SLC12A6: variants seen among roughly 807,000 people sequenced by gnomAD.
SLC12A6 encodes solute carrier family 12 member 6.
A neutral mutation model predicts 135.3 loss-of-function variants in SLC12A6; 66 were observed. The observed-to-expected ratio is 0.49, with a 90% CI of 0.40 to 0.60. The LOEUF (loss-of-function observed/expected upper bound fraction) is 0.60, where lower values mean the gene tolerates loss of function less well. SLC12A6 is among the 20% of genes least tolerant of loss of function. SLC12A6 has a pLI of 0.00. For synonymous variants in SLC12A6, 513 were observed against 508.8 expected (o/e 1.01, Z -0.11); for missense variants, 1,058 against 1,452.3 (o/e 0.73, Z 4.41).
intron 15 of SLC12A6, 70 bp from the exon 16 acceptor site, chr15:34,244,142 A>G: frequency 1.1e-6 from 1 of 911,210 alleles, no homozygotes; most frequent in Non-Finnish European, 1.9e-6. Context: ...GTAACTGAAT[A>G]CCTTTGCTGT....
At chr15:34,290,756 A>G (rs1477000561) in intron 2 of SLC12A6, among the ~76,000 whole-genome samples, 1 of 152,184 alleles carries the variant, frequency 6.6e-6, no homozygotes, top group Non-Finnish European at 1.5e-5. Flanking sequence ...TTGTTGGTTT[A>G]AAGTCTGTTT....
chr15:34,241,404 T>C lies in SLC12A6; in HGVS notation c.2163-67A>G. On this transcript the variant is annotated intron_variant, in intron 17 of 25. Coordinates refer to ENST00000354181, the MANE Select transcript of SLC12A6 (RefSeq NM_001365088.1). ...GTAAGTATAATTTTAAAAAATAAAG[T>C]TTTTTTCTGAATCTAAAAATCACAC... The C allele has an allele frequency of 3.5e-6, 3 of 853,186 alleles. No individual in the cohort carries two copies. In the South Asian group the frequency reaches 4.4e-5, roughly 13 times the overall value. The allele number at this position is 853,186 out of a possible 1,614,324, so 52.9% of individuals were successfully genotyped here. A position where few individuals can be genotyped will look rare whatever the true frequency, so the allele number is the denominator to read the frequency against.
In SLC12A6 at chr15:34,240,678, C is replaced by T. The variant is rs769873152; in HGVS notation, c.2419G>A (p.Ala807Thr). ...VGNFLENYGEALAAEQTIKHL... is the reference protein window; with the variant it reads ...VGNFLENYGETLAAEQTIKHL... ...ACTCTTACCTGCTCAGCAGCTAAAG[C>T]TTCACCGTAGTTCTCTAGGAAGTTC... is the stretch of plus-strand genomic sequence containing the variant. Residue 807 changes from alanine to threonine, a missense_variant, in exon 19 of 26, where the codon GCT becomes ACT. This residue lies in a region of SLC12A6 where 31 missense variants were observed against 24.3 expected (regional missense o/e 1.28). Coordinates refer to ENST00000354181, the MANE Select transcript of SLC12A6 (RefSeq NM_001365088.1). 3.1e-6 allele frequency: 5 copies of T among 1,613,886 alleles called. No individual in the cohort carries two copies. The Admixed American group carries it at 6.7e-5, about 22-fold the overall frequency.
intron 2 of SLC12A6, among the ~76,000 whole-genome samples, chr15:34,289,673 T>C (rs546540577): frequency 1.5e-3 from 230 of 152,338 alleles, no homozygotes; most frequent in African/African-American, 5.2e-3. Context: ...TATTGGTCTA[T>C]TCAGAGATTC....
At chr15:34,288,971 C>T (rs977053614) in intron 2 of SLC12A6, among the ~76,000 whole-genome samples, 1 of 152,054 alleles carries the variant, frequency 6.6e-6, no homozygotes, top group Non-Finnish European at 1.5e-5. Flanking sequence ...TTGAATATCC[C>T]TTATTGCTTT....
At chr15:34,322,650 G>A (rs1410865217) in intron 2 of SLC12A6, among the ~76,000 whole-genome samples, 1 of 151,874 alleles carries the variant, frequency 6.6e-6, no homozygotes, top group Admixed American at 6.6e-5. Context: ...GGGTGTTCAC[G>A]ATGAAAGTTT....
At chr15:34,277,634 A>G (rs1238279965) in intron 2 of SLC12A6, among the ~76,000 whole-genome samples, 1 of 152,200 alleles carries the variant, frequency 6.6e-6, no homozygotes, top group East Asian at 1.9e-4. Flanking sequence ...TTTTAGAACT[A>G]GAAGAACCTT....
At chr15:34,240,345 T>A (rs1490333923) in intron 19 of SLC12A6, among the ~76,000 whole-genome samples, 3 of 152,194 alleles carry the variant, frequency 2.0e-5, no homozygotes, top group Admixed American at 6.5e-5. Context: ...AGAGGAACCC[T>A]CTCCATAGTT....
At position 34,240,789 on chromosome 15, in the gene SLC12A6, G is replaced by GT; in HGVS notation, c.2307dup (p.His770ThrfsTer37). The GT allele has an allele frequency of 1.2e-6, 2 of 1,614,038 alleles. No individual in the cohort carries two copies. Among genetic ancestry groups the GT allele is most frequent in the Non-Finnish European group, 8.5e-7 (1 of 1,179,942 alleles). ...GTGAGGAGGCGAGGATGCTTGACAT[G>GT]TAAGTCTTCATCTAGTTTCAGTAAT... On this transcript the variant is annotated frameshift_variant, in exon 19 of 26. Coordinates refer to ENST00000354181, the MANE Select transcript of SLC12A6 (RefSeq NM_001365088.1). LOFTEE classifies it high-confidence loss of function.
Position 34,318,869 on chromosome 15 carries a change from G to A in SLC12A6, c.271+17541C>T, listed in dbSNP as rs1055946648. ...GAGGGAGTGGGGCGCTTGAAGACAC[G>A]CCTTCCACAGTGTTTATCATTCACT... is the stretch of plus-strand genomic sequence containing the variant. On this transcript the variant is annotated intron_variant, in intron 2 of 25. Coordinates refer to ENST00000354181, the MANE Select transcript of SLC12A6 (RefSeq NM_001365088.1). 8.2e-5 allele frequency: 116 copies of A among 1,413,236 alleles called. 1 individual carries two copies. The African/African-American group carries it at 1.4e-3, about 17-fold the overall frequency. 87.5% of individuals were successfully genotyped at this position (1,413,236 alleles called of 1,614,324 possible). A position where few individuals can be genotyped will look rare whatever the true frequency, so the allele number is the denominator to read the frequency against.
intron 2 of SLC12A6, among the ~76,000 whole-genome samples, chr15:34,310,005 C>CTTTTTTTTTTTTTT (rs879478639): frequency 1.5e-4 from 22 of 144,120 alleles, no homozygotes; most frequent in Non-Finnish European, 2.3e-4. Flanking sequence ...AAGAGATAAT[C>CTTTTTTTTTTTTTT]TTTTTTTTTT....
At chr15:34,270,980 G>A (rs1415188103) in intron 3 of SLC12A6, among the ~76,000 whole-genome samples, 1 of 152,008 alleles carries the variant, frequency 6.6e-6, no homozygotes, top group African/African-American at 2.4e-5. Context: ...GGGGAAATGC[G>A]TGATGCTTAT....
At position 34,233,907 on chromosome 15, in the gene SLC12A6, T is replaced by C. The variant is rs1322848611; in HGVS notation, c.3427A>G (p.Ser1143Gly). 1.9e-6 allele frequency: 3 copies of C among 1,601,434 alleles called. No individual in the cohort carries two copies. Among genetic ancestry groups the C allele is most frequent in the East Asian group, 4.5e-5 (2 of 44,816 alleles). Reference sequence around the variant, plus strand: ...TATGAATAAATGGTGATCACTTCACTGCCACCACCCCGGACAAGTAGGACT... The same window carrying C: ...TATGAATAAATGGTGATCACTTCACCGCCACCACCCCGGACAAGTAGGACT... ...ERVLLVRGGGSEVITIYS is the reference protein window; with the variant it reads ...ERVLLVRGGGGEVITIYS Residue 1143 changes from serine (S) to glycine (G), a missense_variant, in exon 26 of 26, where the codon AGT (serine) becomes GGT (glycine). Ser to Gly is a moderately conservative substitution (Grantham distance 56). Coordinates refer to ENST00000354181, the MANE Select transcript of SLC12A6 (RefSeq NM_001365088.1).
At chr15:34,254,764 GAT>G (rs960216845) in intron 8 of SLC12A6, among the ~76,000 whole-genome samples, 175 bp from the exon 9 acceptor site, 1 of 64,222 alleles carries the variant, frequency 1.6e-5, no homozygotes, top group Non-Finnish European at 4.0e-5. Context: ...GGATGTCATG[GAT>G]TTTTTTTTTT....
chr15:34,267,142 C>T (rs1381772143), intron 3 of SLC12A6, among the ~76,000 whole-genome samples: 1 of 152,016 alleles, frequency 6.6e-6, no homozygotes, highest in African/African-American at 2.4e-5. Context: ...TTGACATCCT[C>T]CTGAACAACA....
At chr15:34,290,256 A>G (rs1050029176) in intron 2 of SLC12A6, among the ~76,000 whole-genome samples, 3 of 152,186 alleles carry the variant, frequency 2.0e-5, no homozygotes, top group African/African-American at 7.2e-5. Context: ...ATTCAGGAGC[A>G]GGTTGTTCAT....
chr15:34,302,238 T>C (rs1190051069), intron 2 of SLC12A6, among the ~76,000 whole-genome samples: 1 of 152,152 alleles, frequency 6.6e-6, no homozygotes, highest in South Asian at 2.1e-4. Flanking sequence ...AGAGAGTTTA[T>C]TGGGCCAAAT....
At chr15:34,272,068 T>G (rs746143514) in intron 3 of SLC12A6, among the ~76,000 whole-genome samples, 1 of 152,004 alleles carries the variant, frequency 6.6e-6, no homozygotes, top group African/African-American at 2.4e-5. Context: ...CTCCACCTCC[T>G]GGTTCAAGCG....
At chr15:34,283,603 AAAT>A (rs747579579) in intron 2 of SLC12A6, among the ~76,000 whole-genome samples, 13 of 152,144 alleles carry the variant, frequency 8.5e-5, no homozygotes, top group Admixed American at 2.6e-4. Flanking sequence ...TATATTTAGG[AAAT>A]ATTAATGTAG....
Sources: gnomAD v4.1 joint callset for allele counts (sites outside exome capture counted in the v4.1 genomes callset) on GRCh38, gnomAD v4.1.1 for gene constraint, gnomAD v4.1.1 regional missense constraint, MANE v1.5 for transcripts, NCBI Gene and HGNC (gene_info 2026-07-23, HGNC 2026-07-21) for gene names.